IDE: variants seen among roughly 807,000 people sequenced by gnomAD.
IDE encodes insulin degrading enzyme, also known as insulin-degrading enzyme.
Under a neutral mutation model 133.2 loss-of-function variants are expected in IDE, and 58 were observed. That is an observed-to-expected ratio of 0.44 (90% CI 0.35 to 0.54). The LOEUF is 0.54. Among genes scored for constraint, IDE ranks in the 20% least tolerant of loss-of-function variants. The probability of loss-of-function intolerance (pLI) is 0.00; values close to 1 mark genes in which losing one functional copy is unlikely to be tolerated. For missense variants in IDE, 981 were observed against 1,234.0 expected (o/e 0.79, Z 3.07); for synonymous variants, 396 against 421.3 (o/e 0.94, Z 0.73).
intron 1 of IDE, chr10:92,573,172 G>C: frequency 1.0e-6 from 1 of 985,440 alleles, no homozygotes; most frequent in Non-Finnish European, 1.2e-6. Flanking sequence ...AGCGTACGCA[G>C]ATCAACGGTG....
Position 92,531,936 on chromosome 10 carries a change from A to T in IDE, c.492-19T>A, listed in dbSNP as rs1849948554. On this transcript the variant is annotated intron_variant, in intron 3 of 24. Coordinates refer to ENST00000265986, the MANE Select transcript of IDE (RefSeq NM_004969.4). ...TGCAAACCTAAGGGTACGAAACATA[A>T]TTAAAACTTGAAAGATGTCATTTTA... 3 of 1,460,958 alleles carry T rather than the reference A, an allele frequency of 2.1e-6. No individual in the cohort carries two copies. In the East Asian group the frequency reaches 7.5e-5, roughly 36 times the overall value. The allele number at this position is 1,460,958 out of a possible 1,614,324, so 90.5% of individuals were successfully genotyped here. A position where few individuals can be genotyped will look rare whatever the true frequency, so the allele number is the denominator to read the frequency against.
intron 13 of IDE, among the ~76,000 whole-genome samples, chr10:92,484,943 G>C (rs762912511): frequency 1.3e-5 from 2 of 151,544 alleles, no homozygotes; most frequent in African/African-American, 4.8e-5. Flanking sequence ...GTAGTCCTAC[G>C]TACACAAGAG....
Position 92,475,922 on chromosome 10 carries a change from CA to C in IDE, c.1956del (p.Phe652LeufsTer38). On this transcript the variant is annotated frameshift_variant, in exon 16 of 25. Transcript: ENST00000265986. LOFTEE classifies it high-confidence loss of function. ...LKKIIEKMATFEIDEKRFEII... is the reference protein window; with the variant it reads ...LKKIIEKMATXEIDEKRFEII... ...ATTTCAAATCTTTTTTCATCAATCT[CA>C]AAGGTAGCCATTTTCTCAATAATCT... is the stretch of plus-strand genomic sequence containing the variant. The C allele has an allele frequency of 6.5e-7, 1 of 1,533,258 alleles. No homozygotes were observed. The highest frequency in any genetic ancestry group is 1.4e-5 in the African/African-American group (1 of 73,170). The allele number at this position is 1,533,258 out of a possible 1,614,324, so 95.0% of individuals were successfully genotyped here.
At chr10:92,455,888 T>G (rs1844983352) in intron 23 of IDE, among the ~76,000 whole-genome samples, 1 of 152,074 alleles carries the variant, frequency 6.6e-6, no homozygotes, top group South Asian at 2.1e-4. Context: ...CCACAGCAGT[T>G]TTAGGGCCCA....
intron 1 of IDE, among the ~76,000 whole-genome samples, chr10:92,552,856 T>TAAAAAAAAAAAAAAAA (rs1842844887): frequency 1.2e-4 from 1 of 8,344 alleles, no homozygotes; most frequent in African/African-American, 7.6e-4. Flanking sequence ...AGACTCAGTC[T>TAAAAAAAAAAAAAAAA]CAAAAAAAAA....
chr10:92,487,800 CT>C (rs1847094650), intron 12 of IDE, among the ~76,000 whole-genome samples: 1 of 152,164 alleles, frequency 6.6e-6, no homozygotes, highest in Non-Finnish European at 1.5e-5. Context: ...TAGTACTTCT[CT>C]CTTTTTTTTC....
At position 92,510,182 on chromosome 10, in the gene IDE, G is replaced by A. The variant is rs1418174795; in HGVS notation, c.785-20C>T. The stretch of plus-strand genomic sequence containing the variant: ...AAGATTCTACAAGAAAACAGACAAG[G>A]AAAACAGAACTTAAGCGAATCATAA... On this transcript the variant is annotated intron_variant, in intron 5 of 24. Transcript: ENST00000265986. 4 of 1,277,190 alleles carry A rather than the reference G, an allele frequency of 3.1e-6. No homozygotes were observed. Among genetic ancestry groups the A allele is most frequent in the Admixed American group, 1.8e-5 (1 of 54,662 alleles). The allele number at this position is 1,277,190 out of a possible 1,614,324, so 79.1% of individuals were successfully genotyped here.
At chr10:92,491,377 C>G (rs948171519) in intron 11 of IDE, among the ~76,000 whole-genome samples, 1 of 152,008 alleles carries the variant, frequency 6.6e-6, no homozygotes, top group Non-Finnish European at 1.5e-5. Context: ...ACCCAAGAAA[C>G]TTTTATTATT....
At chr10:92,458,399 G>C (rs1460182518) in intron 22 of IDE, among the ~76,000 whole-genome samples, 2 of 151,080 alleles carry the variant, frequency 1.3e-5, no homozygotes, top group African/African-American at 4.9e-5. Flanking sequence ...CTTTTCCTAG[G>C]TACCCCTATT....
rs60008680 is a variant in IDE, at chr10:92,556,179, CAAAAAAAAA to C, written c.98+17734_98+17742del. On this transcript the variant is annotated intron_variant, in intron 1 of 24. Coordinates refer to ENST00000265986, the MANE Select transcript of IDE (RefSeq NM_004969.4). ...TGGGTGACAGAGCGAGACTCCGTCTCAAAAAAAAAAAAAAAAAAAAAGAAAGAAAAAAGT... is the reference window on the plus strand; with the variant it reads ...TGGGTGACAGAGCGAGACTCCGTCTCAAAAAAAAAAAAGAAAGAAAAAAGT... Among the ~76,000 whole-genome samples, 27 of 69,208 alleles carry C rather than the reference CAAAAAAAAA, an allele frequency of 3.9e-4. No individual in the cohort carries two copies. In the South Asian group the frequency reaches 4.1e-3, roughly 10 times the overall value. The allele number at this position is 69,208 out of a possible 152,430, so 45.4% of individuals were successfully genotyped here.
intron 1 of IDE, among the ~76,000 whole-genome samples, chr10:92,567,522 A>G (rs1843611733): frequency 6.6e-6 from 1 of 152,240 alleles, no homozygotes; most frequent in Admixed American, 6.5e-5. Flanking sequence ...AAAAACAGCC[A>G]GATTAATTAG....
chr10:92,508,896 G>A lies in IDE; in HGVS notation c.898-6C>T, dbSNP rs758559204. ...GGTACTATTTTGTAAAGTTGCTGGAGAAAACAAATCACAGAGATTAGCTAT... is the reference window on the plus strand; with the variant it reads ...GGTACTATTTTGTAAAGTTGCTGGAAAAAACAAATCACAGAGATTAGCTAT... On this transcript the variant is annotated splice_polypyrimidine_tract_variant and splice_region_variant and intron_variant, in intron 6 of 24. Coordinates refer to ENST00000265986, the MANE Select transcript of IDE (RefSeq NM_004969.4). 191 of 1,606,126 alleles carry A rather than the reference G, an allele frequency of 1.2e-4. No homozygotes were observed. The highest frequency in any genetic ancestry group is 1.6e-4 in the Non-Finnish European group (187 of 1,173,090).
chr10:92,546,370 A>G (rs759535110), intron 1 of IDE, among the ~76,000 whole-genome samples: 22 of 152,342 alleles, frequency 1.4e-4, no homozygotes, highest in Non-Finnish European at 2.6e-4. Flanking sequence ...TTCAATTAAA[A>G]GTTCTTAAAA....
intron 4 of IDE, among the ~76,000 whole-genome samples, chr10:92,521,958 G>C (rs1849247850): frequency 6.6e-6 from 1 of 152,040 alleles, no homozygotes. Context: ...ACAAAAGGGT[G>C]AATGGAAATG....
At chr10:92,475,717 T>C (rs1372795277) in intron 16 of IDE, among the ~76,000 whole-genome samples, 167 bp downstream of exon 16, 3 of 152,122 alleles carry the variant, frequency 2.0e-5, no homozygotes, top group Admixed American at 6.5e-5. Context: ...GATTTCTTTC[T>C]GGATGGAGTA....
intron 15 of IDE, among the ~76,000 whole-genome samples, chr10:92,476,511 G>A (rs1251808704): frequency 4.0e-5 from 6 of 151,688 alleles, no homozygotes; most frequent in Admixed American, 3.3e-4. Flanking sequence ...TTATTTATTC[G>A]AGACAGGGTC....
chr10:92,533,602 C>G (rs1026179948), intron 3 of IDE, among the ~76,000 whole-genome samples: 1 of 151,584 alleles, frequency 6.6e-6, no homozygotes, highest in Non-Finnish European at 1.5e-5. Flanking sequence ...TAACTACTGC[C>G]TACCATAATG....
intron 2 of IDE, among the ~76,000 whole-genome samples, chr10:92,535,576 A>C (rs1841955860): frequency 6.6e-6 from 1 of 152,222 alleles, no homozygotes; most frequent in Admixed American, 6.5e-5. Context: ...GTGTGAGTAC[A>C]AATTAGATGA....
intron 10 of IDE, among the ~76,000 whole-genome samples, chr10:92,505,880 C>G (rs1848267796): frequency 6.6e-6 from 1 of 152,094 alleles, no homozygotes; most frequent in African/African-American, 2.4e-5. Context: ...TAGAAGATGG[C>G]CAGATAGGCT....
Sources: gnomAD v4.1 joint callset for allele counts (sites outside exome capture counted in the v4.1 genomes callset) on GRCh38, gnomAD v4.1.1 for gene constraint, MANE v1.5 for transcripts, NCBI Gene and HGNC (gene_info 2026-07-23, HGNC 2026-07-21) for gene names.